NAV3: variants seen among roughly 807,000 people sequenced by gnomAD.
NAV3 encodes the protein neuron navigator 3.
Under a neutral mutation model 244.7 loss-of-function variants are expected in NAV3, and 87 were observed. The ratio of observed to expected loss-of-function variants is 0.36; its 90% confidence interval spans 0.30 to 0.42. The LOEUF (loss-of-function observed/expected upper bound fraction) is 0.42, where lower values mean the gene tolerates loss of function less well. Ranked by LOEUF, NAV3 falls within the 20% of genes least tolerant of loss-of-function variation. NAV3 has a pLI of 1.00. For synonymous variants in NAV3, 1,126 were observed against 1,042.2 expected, an observed-to-expected ratio of 1.08 and a Z score of -1.55; for missense variants, 2,663 against 2,893.3, an observed-to-expected ratio of 0.92 and a Z score of 1.83.
intron 1 of NAV3, among the ~76,000 whole-genome samples, chr12:77,912,871 C>T (rs186018219): frequency 8.5e-5 from 13 of 152,216 alleles, no homozygotes; most frequent in Non-Finnish European, 1.5e-4. Context: ...CTTGGCCTCC[C>T]AAAGTGCTGG....
chr12:77,824,179 T>G (rs1190127715), intron 2 of NAV3, among the ~76,000 whole-genome samples: 1 of 151,924 alleles, frequency 6.6e-6, no homozygotes, highest in South Asian at 2.1e-4. Flanking sequence ...GTTCAAGTGA[T>G]TCTCCTGTCT....
chr12:77,962,644 C>T (rs933833382), intron 3 of NAV3, among the ~76,000 whole-genome samples: 23 of 152,100 alleles, frequency 1.5e-4, no homozygotes, highest in African/African-American at 5.6e-4. Context: ...CGAACCCCAC[C>T]AGAAAAGAGG....
At position 77,960,562 on chromosome 12, in the gene NAV3, A is replaced by G. The variant is rs1354543696; in HGVS notation, c.415-5667A>G. On this transcript the variant is annotated intron_variant, in intron 3 of 39. Transcript: ENST00000397909. ...TAACACATATGATATAGACTTTAAT[A>G]ACACATAGCATATATTACCTATAAT... 2.0e-5 allele frequency among the ~76,000 whole-genome samples: 3 copies of G among 149,380 alleles called. No individual in the cohort carries two copies. In the South Asian group the frequency reaches 6.2e-4, roughly 31 times the overall value.
intron 1 of NAV3, among the ~76,000 whole-genome samples, chr12:77,937,666 A>G (rs1889454975): frequency 1.3e-5 from 2 of 152,154 alleles, no homozygotes; most frequent in South Asian, 4.1e-4. Flanking sequence ...GATTCACAAC[A>G]CCTGTGAAGT....
At chr12:78,113,644 A>C (rs1168716333) in intron 12 of NAV3, among the ~76,000 whole-genome samples, 2 of 152,162 alleles carry the variant, frequency 1.3e-5, no homozygotes, top group Non-Finnish European at 2.9e-5. Flanking sequence ...CCCTGGACCC[A>C]GCCCACAAAA....
chr12:78,023,363 T>G (rs1425015605), intron 9 of NAV3, among the ~76,000 whole-genome samples: 1 of 152,188 alleles, frequency 6.6e-6, no homozygotes, highest in Non-Finnish European at 1.5e-5. Context: ...ATATTTCCTT[T>G]TAACATTCTG....
intron 1 of NAV3, among the ~76,000 whole-genome samples, chr12:77,834,698 A>G (rs1874316121): frequency 6.6e-6 from 1 of 152,248 alleles, no homozygotes; most frequent in Non-Finnish European, 1.5e-5. Flanking sequence ...AAACATATTA[A>G]TCAAACATCT....
intron 1 of NAV3, among the ~76,000 whole-genome samples, chr12:77,861,233 CT>C (rs1441758884): frequency 6.6e-6 from 1 of 151,626 alleles, no homozygotes; most frequent in Admixed American, 6.6e-5. Context: ...TATCTTTCTT[CT>C]TTTTTTTCCT....
intron 1 of NAV3, among the ~76,000 whole-genome samples, chr12:77,891,821 T>A (rs1171305898): frequency 6.6e-6 from 1 of 152,162 alleles, no homozygotes; most frequent in Non-Finnish European, 1.5e-5. Context: ...GAAGAACCAC[T>A]CATCTTAAGT....
At chr12:77,795,625 A>C (rs1399242784) in intron 2 of NAV3, among the ~76,000 whole-genome samples, 1 of 152,122 alleles carries the variant, frequency 6.6e-6, no homozygotes, top group African/African-American at 2.4e-5. Flanking sequence ...TCTTATATGG[A>C]AGTATATGTC....
intron 2 of NAV3, among the ~76,000 whole-genome samples, chr12:77,586,690 T>A (rs1869630020): frequency 6.6e-6 from 1 of 152,200 alleles, no homozygotes; most frequent in African/African-American, 2.4e-5. Flanking sequence ...TGATACAGTA[T>A]CCACTCGTCA....
At position 78,095,901 on chromosome 12, in the gene NAV3, A is replaced by G. The variant is rs541469744; in HGVS notation, c.2637-20871A>G. Reference sequence around the variant, plus strand: ...CAGATGACACTCTGTATGCTAAGCTATGCTTCATGGAACTGTATAAAGGCA... The same window carrying G: ...CAGATGACACTCTGTATGCTAAGCTGTGCTTCATGGAACTGTATAAAGGCA... On this transcript the variant is annotated intron_variant, in intron 12 of 39. Coordinates refer to ENST00000397909, the MANE Select transcript of NAV3 (RefSeq NM_001024383.2). 1.7e-3 allele frequency among the ~76,000 whole-genome samples: 266 copies of G among 152,334 alleles called. 1 individual carries two copies. The highest frequency in any genetic ancestry group is 6.1e-3 in the African/African-American group (253 of 41,578).
chr12:77,827,032 G>A (rs1873073248), upstream of NAV3, among the ~76,000 whole-genome samples: 1 of 152,040 alleles, frequency 6.6e-6, no homozygotes, highest in South Asian at 2.1e-4. Flanking sequence ...GACCAGTCTG[G>A]CCAACATGGC....
At chr12:78,014,808 G>A (rs1158848536) in intron 8 of NAV3, among the ~76,000 whole-genome samples, 3 of 152,040 alleles carry the variant, frequency 2.0e-5, no homozygotes, top group Non-Finnish European at 4.4e-5. Context: ...GCTTTTGTAA[G>A]CCCTGAAGCT....
intron 2 of NAV3, among the ~76,000 whole-genome samples, chr12:77,766,669 G>A (rs1182914404): frequency 6.9e-6 from 1 of 144,938 alleles, no homozygotes; most frequent in Non-Finnish European, 1.5e-5. Flanking sequence ...TGGTAATCTT[G>A]ACCAAATCAT....
At chr12:77,809,115 G>A (rs149328275) in intron 2 of NAV3, among the ~76,000 whole-genome samples, 4 of 152,178 alleles carry the variant, frequency 2.6e-5, no homozygotes, top group African/African-American at 4.8e-5. Flanking sequence ...GGCTCTGTGC[G>A]GGATGGGATC....
Position 77,824,241 on chromosome 12 carries a change from ATT to A in NAV3, c.73-116056_73-116055del, listed in dbSNP as rs61710960. Among the ~76,000 whole-genome samples, 53 of 104,898 alleles carry A rather than the reference ATT, an allele frequency of 5.1e-4. 1 individual carries two copies. Among genetic ancestry groups the A allele is most frequent in the Admixed American group, 1.2e-3 (10 of 8,602 alleles). The allele number at this position is 104,898 out of a possible 152,430, so 68.8% of individuals were successfully genotyped here. ...GGCGCATGCCACCACGCCCAACTAA[ATT>A]TTTTTTTTTTTTTTTTTTTTTGTAT... On this transcript the variant is annotated intron_variant, in intron 2 of 8. Transcript: ENST00000550042.
intron 1 of NAV3, among the ~76,000 whole-genome samples, chr12:77,928,214 C>A (rs11107423): frequency 2.3e-5 from 3 of 131,230 alleles, no homozygotes; most frequent in Admixed American, 1.6e-4. Context: ...CAGGGCTAGG[C>A]TCCGCCTCAA....
At chr12:77,758,475 CA>C (rs1869299086) in intron 2 of NAV3, among the ~76,000 whole-genome samples, 1 of 152,160 alleles carries the variant, frequency 6.6e-6, no homozygotes, top group South Asian at 2.1e-4. Flanking sequence ...CCAGAGGAAA[CA>C]AGCACAGGGG....
Sources: allele counts gnomAD v4.1 joint callset (sites outside exome capture counted in the v4.1 genomes callset), GRCh38; gene constraint gnomAD v4.1.1; transcripts MANE v1.5; gene names NCBI Gene and HGNC (gene_info 2026-07-23, HGNC 2026-07-21).